CCDC88C: variants seen among roughly 807,000 people sequenced by gnomAD.
CCDC88C encodes protein Daple.
In CCDC88C, 131 loss-of-function variants were observed where a neutral mutation model predicts 198.8. The observed-to-expected ratio is 0.66, with a 90% CI of 0.57 to 0.76. The LOEUF (loss-of-function observed/expected upper bound fraction) is 0.76, where lower values mean the gene tolerates loss of function less well. CCDC88C is among the 30% of genes least tolerant of loss of function. The pLI is 0.00. For missense variants in CCDC88C, 2,553 were observed against 2,631.6 expected, an observed-to-expected ratio of 0.97 and a Z score of 0.65; for synonymous variants, 1,166 against 1,114.7, an observed-to-expected ratio of 1.05 and a Z score of -0.92.
Position 91,273,425 on chromosome 14 carries a change from G to T in CCDC88C, c.5287C>A (p.Pro1763Thr). 2 of 1,570,178 alleles carry T rather than the reference G, an allele frequency of 1.3e-6. No homozygotes were observed. The highest frequency in any genetic ancestry group is 2.3e-5 in the East Asian group (1 of 43,942). Residue 1763 changes from proline to threonine, a missense_variant, in exon 30 of 30, where the codon CCA (proline) becomes ACA (threonine). Coordinates refer to ENST00000389857, the MANE Select transcript of CCDC88C (RefSeq NM_001080414.4). This position sits in a 1 kb window ranked among gnomAD's most constrained non-coding sequence, Gnocchi z 5.6. ...PNFRLTEAEA[P>T]PSVAPRQAQP... The stretch of plus-strand genomic sequence containing the variant: ...GCCTGTCTCGGGGCCACGCTGGGTG[G>T]GGCCTCGGCCTCAGTCAGTCTGAAG...
rs1889818458 is a variant in CCDC88C at position 91,273,262 on chromosome 14, C to A, written c.5450G>T (p.Gly1817Val). 4 of 1,558,570 alleles carry A rather than the reference C, an allele frequency of 2.6e-6. No homozygotes were observed. Among genetic ancestry groups the A allele is most frequent in the Non-Finnish European group, 3.5e-6 (4 of 1,151,146 alleles). The change falls in exon 30 of 30, where the codon GGG becomes GTG. Residue 1817 changes from glycine to valine, a missense_variant. Coordinates refer to ENST00000389857, the MANE Select transcript of CCDC88C (RefSeq NM_001080414.4). The surrounding 1 kb of genome is among the most constrained non-coding windows in gnomAD (Gnocchi z 5.6). ...GGACTCCTGTTTGCAGGCCTCTGGC[C>A]CGCTGGCCCGGAGAAGGTCAGCTGA... is the stretch of plus-strand genomic sequence containing the variant. ...LASADLLRAS[G>V]PEACKQESPQ... is the part of the protein sequence containing the mutation.
At chr14:91,392,528 A>C (rs546757177) in intron 3 of CCDC88C, among the ~76,000 whole-genome samples, 3 of 152,312 alleles carry the variant, frequency 2.0e-5, no homozygotes, top group African/African-American at 7.2e-5. Flanking sequence ...AGGCTTGTCA[A>C]AGTGGCTTTG....
chr14:91,328,121 G>A lies in CCDC88C; in HGVS notation c.1051-2065C>T, dbSNP rs537458467. ...GCCAAATCATGCCACAAGGAGGGAGGAATCAAAGGCGGCATGTGAGGTGGA... is the reference window on the plus strand; with the variant it reads ...GCCAAATCATGCCACAAGGAGGGAGAAATCAAAGGCGGCATGTGAGGTGGA... On this transcript the variant is annotated intron_variant, in intron 10 of 29. Coordinates refer to ENST00000389857, the MANE Select transcript of CCDC88C (RefSeq NM_001080414.4). Among the ~76,000 whole-genome samples, 6 of 152,326 alleles carry A rather than the reference G, an allele frequency of 3.9e-5. No homozygotes were observed. In the South Asian group the frequency reaches 1.2e-3, roughly 32 times the overall value.
rs1890327911 is a variant in CCDC88C at position 91,284,597 on chromosome 14, G to A, written c.4442-1080C>T. On this transcript the variant is annotated intron_variant, in intron 25 of 29. Coordinates refer to ENST00000389857, the MANE Select transcript of CCDC88C (RefSeq NM_001080414.4). The surrounding 1 kb of genome is among the most constrained non-coding windows in gnomAD (Gnocchi z 4.1). ...AAGCACAATTCCAACAGCATGCGCGGAAGGCAGGTCTGGAGGACCCGGCAC... is the reference window on the plus strand; with the variant it reads ...AAGCACAATTCCAACAGCATGCGCGAAAGGCAGGTCTGGAGGACCCGGCAC... Among the ~76,000 whole-genome samples the A allele has an allele frequency of 6.6e-6, 1 of 152,204 alleles. No homozygotes were observed. Among genetic ancestry groups the A allele is most frequent in the African/African-American group, 2.4e-5 (1 of 41,460 alleles).
chr14:91,389,825 C>T (rs1885381759), intron 3 of CCDC88C, among the ~76,000 whole-genome samples: 1 of 151,818 alleles, frequency 6.6e-6, no homozygotes, highest in Non-Finnish European at 1.5e-5. Context: ...GTAATCCCAG[C>T]ACTTTGGGAG....
At chr14:91,331,411 G>A (rs919449816) in intron 10 of CCDC88C, among the ~76,000 whole-genome samples, 19 of 152,330 alleles carry the variant, frequency 1.2e-4, no homozygotes, top group African/African-American at 4.6e-4. Context: ...GAGGGCAGAG[G>A]AGCTGGGGCC....
chr14:91,272,639 A>AC lies in CCDC88C; in HGVS notation c.6072dup (p.Tyr2025ValfsTer15). 1 of 1,610,636 alleles carries AC rather than the reference A, an allele frequency of 6.2e-7. No individual in the cohort carries two copies. The highest frequency in any genetic ancestry group is 8.5e-7 in the Non-Finnish European group (1 of 1,179,796). On this transcript the variant is annotated frameshift_variant, in exon 30 of 30. Transcript: ENST00000389857. LOFTEE classifies it high-confidence loss of function. The stretch of plus-strand genomic sequence containing the variant: ...CCACGAGACAGTCACACACAGCCGT[A>AC]CTCATACCACACGGTCTGCGGATCC...
intron 24 of CCDC88C, 110 bp from the exon 25 acceptor site, chr14:91,289,453 G>A (rs1295183642): frequency 3.2e-6 from 3 of 933,804 alleles, no homozygotes; most frequent in Non-Finnish European, 5.3e-6. Flanking sequence ...GGGAAGCTAG[G>A]CCACTCACGT....
chr14:91,272,504 T>C lies in CCDC88C; in HGVS notation c.*121A>G. On this transcript the variant is annotated 3_prime_UTR_variant, in exon 30 of 30. Coordinates refer to ENST00000389857, the MANE Select transcript of CCDC88C (RefSeq NM_001080414.4). ...TCACAGAACAAACAGCAGAAATGCG[T>C]GGGAACCCCTTTCCTCATTCCAAAC... is the stretch of plus-strand genomic sequence containing the variant. 1.0e-6 allele frequency: 1 copy of C among 1,004,684 alleles called. No homozygotes were observed. The highest frequency in any genetic ancestry group is 1.5e-6 in the Non-Finnish European group (1 of 684,250). The allele number at this position is 1,004,684 out of a possible 1,614,324, so 62.2% of individuals were successfully genotyped here. A position where few individuals can be genotyped will look rare whatever the true frequency, so the allele number is the denominator to read the frequency against.
At chr14:91,327,264 G>C (rs1041122546) in intron 10 of CCDC88C, among the ~76,000 whole-genome samples, 1 of 152,202 alleles carries the variant, frequency 6.6e-6, no homozygotes, top group Non-Finnish European at 1.5e-5. Flanking sequence ...TCCTATGTGG[G>C]CCAGAATCCA....
chr14:91,295,438 C>A (rs1048509563), intron 22 of CCDC88C, among the ~76,000 whole-genome samples: 2 of 152,216 alleles, frequency 1.3e-5, no homozygotes, highest in Non-Finnish European at 2.9e-5. Context: ...GGCAAGTCAG[C>A]GGTCTGCAGG....
At chr14:91,296,318 T>C (rs1891000483) in intron 22 of CCDC88C, among the ~76,000 whole-genome samples, 5 of 152,218 alleles carry the variant, frequency 3.3e-5, no homozygotes, top group Admixed American at 3.3e-4. Flanking sequence ...TGCAAATCAG[T>C]CCTTCCCATG....
chr14:91,387,183 G>A (rs1172088366), intron 3 of CCDC88C, among the ~76,000 whole-genome samples: 2 of 152,066 alleles, frequency 1.3e-5, no homozygotes, highest in East Asian at 1.9e-4. Flanking sequence ...AATCAACCAC[G>A]GGGCTCTAAA....
intron 23 of CCDC88C, among the ~76,000 whole-genome samples, chr14:91,293,545 TTCCTGTCCCCTCGCCTGCCAC>T (rs1890843956): frequency 8.4e-5 from 2 of 23,832 alleles, no homozygotes; most frequent in African/African-American, 4.1e-4. Flanking sequence ...ACGGCCCACC[TTCCTGTCCCCTCGCCTGCCAC>T]GGCCCACCTT....
Position 91,339,942 on chromosome 14 carries a change from G to C in CCDC88C, c.566C>G (p.Ser189Trp), listed in dbSNP as rs527616983. Residue 189 changes from serine (S) to tryptophan (W), a missense_variant, in exon 7 of 30, where the codon TCG becomes TGG. This residue lies in a region of CCDC88C where 1,260 missense variants were observed against 1,412.0 expected (regional missense o/e 0.89). Coordinates refer to ENST00000389857, the MANE Select transcript of CCDC88C (RefSeq NM_001080414.4). This position sits in a 1 kb window ranked among gnomAD's most constrained non-coding sequence, Gnocchi z 5.8. ...DVAPEELEALSRSMVLHLRRL... is the reference protein window; with the variant it reads ...DVAPEELEALWRSMVLHLRRL... ...CCGCAGGTGGAGCACCATGCTCCTCGACAGGGCCTCCAGCTCCTCCGGAGC... is the reference window on the plus strand; with the variant it reads ...CCGCAGGTGGAGCACCATGCTCCTCCACAGGGCCTCCAGCTCCTCCGGAGC... The C allele has an allele frequency of 5.0e-6, 8 of 1,598,704 alleles. No homozygotes were observed. The highest frequency in any genetic ancestry group is 1.7e-5 in the Admixed American group (1 of 58,154).
chr14:91,298,613 T>C (rs1021927846), intron 21 of CCDC88C, among the ~76,000 whole-genome samples: 2 of 151,850 alleles, frequency 1.3e-5, no homozygotes, highest in African/African-American at 4.8e-5. Flanking sequence ...TCTTAAAATA[T>C]AAAAAACAAA....
intron 25 of CCDC88C, among the ~76,000 whole-genome samples, chr14:91,287,347 T>C (rs981594853): frequency 6.6e-6 from 1 of 152,170 alleles, no homozygotes; most frequent in Non-Finnish European, 1.5e-5. Context: ...CTGAACAATG[T>C]GCGTGAACAT....
At chr14:91,291,654 C>A (rs1207312523) in intron 23 of CCDC88C, among the ~76,000 whole-genome samples, 1 of 152,104 alleles carries the variant, frequency 6.6e-6, no homozygotes, top group African/African-American at 2.4e-5. Context: ...GCAGTGAGCC[C>A]CTGTGCTGCC....
intron 28 of CCDC88C, 111 bp downstream of exon 28, chr14:91,279,127 T>G (rs1448647688): frequency 1.2e-6 from 1 of 856,754 alleles, no homozygotes; most frequent in Non-Finnish European, 1.9e-6. Flanking sequence ...TTCTAACTCC[T>G]GGGCTCAAGC....
Sources: gnomAD v4.1 joint callset for allele counts (sites outside exome capture counted in the v4.1 genomes callset) on GRCh38, gnomAD v4.1.1 for gene constraint, gnomAD v4.1.1 regional missense constraint, Gnocchi (gnomAD v3.1) non-coding constraint, MANE v1.5 for transcripts, NCBI Gene and HGNC (gene_info 2026-07-23, HGNC 2026-07-21) for gene names.